COG2: variants seen among roughly 807,000 people sequenced by gnomAD.
COG2 encodes conserved oligomeric Golgi complex subunit 2.
In COG2, 52 loss-of-function variants were observed where a neutral mutation model predicts 90.6. The observed-to-expected ratio is 0.57, with a 90% CI of 0.46 to 0.72. The LOEUF (loss-of-function observed/expected upper bound fraction) is 0.72. Ranked by LOEUF, COG2 falls within the 30% of genes least tolerant of loss-of-function variation. COG2 has a pLI of 0.00. For synonymous variants in COG2, 337 were observed against 320.4 expected (o/e 1.05, Z -0.55); for missense variants, 829 against 891.2 (o/e 0.93, Z 0.89).
At chr1:230,690,338 G>A in intron 16 of COG2, 185 bp downstream of exon 16, 1 of 511,044 alleles carries the variant, frequency 2.0e-6, no homozygotes, top group Non-Finnish European at 3.3e-6. Context: ...TGGACGGCCT[G>A]TGGGCTGGCT....
At chr1:230,663,084 A>G (rs1408655539) in intron 3 of COG2, 57 bp from the exon 4 acceptor site, 10 of 1,424,474 alleles carry the variant, frequency 7.0e-6, no homozygotes, top group Non-Finnish European at 8.7e-6. Flanking sequence ...TAAATGTGTA[A>G]ATTTCATAAT....
Position 230,642,509 on chromosome 1 carries a change from C to A in COG2, c.-98C>A. 2 of 1,212,650 alleles carry A rather than the reference C, an allele frequency of 1.6e-6. No homozygotes were observed. Among genetic ancestry groups the A allele is most frequent in the Admixed American group, 2.0e-5 (1 of 49,142 alleles). 75.1% of individuals were successfully genotyped at this position (1,212,650 alleles called of 1,614,324 possible). A position where few individuals can be genotyped will look rare whatever the true frequency, so the allele number is the denominator to read the frequency against. ...TTGGCGGAAGCGGACCCCCCTGTGC[C>A]GTGGAAACTGGCGGTGGCCGCGGCC... On this transcript the variant is annotated 5_prime_UTR_variant, in exon 1 of 18. Transcript: ENST00000366669.
intron 4 of COG2, among the ~76,000 whole-genome samples, chr1:230,663,876 A>C (rs372191402): frequency 9.8e-5 from 15 of 152,314 alleles, no homozygotes; most frequent in Admixed American, 1.3e-4. Flanking sequence ...TAGTACCAAA[A>C]TAAAGGTTTA....
intron 10 of COG2, chr1:230,681,050 G>C (rs1662733732): frequency 6.6e-6 from 1 of 152,116 alleles, no homozygotes; most frequent in Non-Finnish European, 1.5e-5. Context: ...CCCCACCCCA[G>C]CCACCACCAC....
chr1:230,677,808 A>T (rs1662637451), intron 9 of COG2, among the ~76,000 whole-genome samples: 2 of 152,220 alleles, frequency 1.3e-5, no homozygotes, highest in African/African-American at 2.4e-5. Flanking sequence ...TATTTCCAGA[A>T]ATACTTTCAG....
chr1:230,669,860 T>C (rs367651720), intron 7 of COG2: 1 of 227,750 alleles, frequency 4.4e-6, no homozygotes, highest in African/African-American at 2.2e-5. Context: ...AAGAATGTTT[T>C]CAAATCACTG....
At chr1:230,686,219 A>G (rs1662881221) in intron 12 of COG2, among the ~76,000 whole-genome samples, 1 of 152,156 alleles carries the variant, frequency 6.6e-6, no homozygotes, top group South Asian at 2.1e-4. Flanking sequence ...GTCTAGTGAA[A>G]TCTAGTTTGT....
intron 8 of COG2, among the ~76,000 whole-genome samples, chr1:230,672,002 G>T (rs1221972234): frequency 6.6e-6 from 1 of 152,060 alleles, no homozygotes; most frequent in Non-Finnish European, 1.5e-5. Context: ...ATTTCAACAG[G>T]TTTTATACTA....
chr1:230,673,299 G>A (rs532361017), intron 8 of COG2, among the ~76,000 whole-genome samples: 10 of 152,238 alleles, frequency 6.6e-5, no homozygotes, highest in Non-Finnish European at 8.8e-5. Flanking sequence ...ATCATCTGCC[G>A]CTAGCCTGTC....
At chr1:230,650,634 C>A (rs975123534) in intron 1 of COG2, among the ~76,000 whole-genome samples, 1 of 152,076 alleles carries the variant, frequency 6.6e-6, no homozygotes, top group Non-Finnish European at 1.5e-5. Flanking sequence ...CAAATGTTTT[C>A]TCCCATTCTG....
chr1:230,686,948 C>A lies in COG2; in HGVS notation c.1394C>A (p.Pro465His), dbSNP rs767036831. The A allele has an allele frequency of 5.2e-6, 8 of 1,545,940 alleles. No homozygotes were observed. Among genetic ancestry groups the A allele is most frequent in the Non-Finnish European group, 6.1e-6 (7 of 1,141,900 alleles). Residue 465 changes from proline (P) to histidine (H), a missense_variant, in exon 13 of 18, where the codon CCC (proline) becomes CAC (histidine). Pro to His is a moderately conservative substitution (Grantham distance 77). Transcript: ENST00000366669. ...SVFVNELSLR[P>H]ISNESPKEIK... ...ATCCTTTTTCAGCTTTCACTCAGGC[C>A]CATTTCTAATGAAAGTCCCAAGGAG...
chr1:230,678,333 T>C (rs1274965108), intron 9 of COG2: 3 of 985,262 alleles, frequency 3.0e-6, no homozygotes, highest in Non-Finnish European at 3.6e-6. Flanking sequence ...TGATGGTAGT[T>C]GCCCTGTGGG....
intron 16 of COG2, among the ~76,000 whole-genome samples, chr1:230,691,112 C>T (rs1663013507): frequency 6.6e-6 from 1 of 151,850 alleles, no homozygotes; most frequent in Admixed American, 6.6e-5. Flanking sequence ...TCCACACACA[C>T]ACATATTTCT....
At chr1:230,661,594 C>T (rs1252298287) in intron 3 of COG2, 2 of 152,092 alleles carry the variant, frequency 1.3e-5, no homozygotes, top group African/African-American at 2.4e-5. Flanking sequence ...CTTGAGTAGC[C>T]TTATGCACTT....
chr1:230,647,245 C>G (rs148195556), intron 1 of COG2, among the ~76,000 whole-genome samples: 11 of 152,104 alleles, frequency 7.2e-5, no homozygotes, highest in Non-Finnish European at 1.5e-4. Flanking sequence ...AAAAACATAG[C>G]GTATATAGAG....
chr1:230,692,622 A>G (rs1663059436), intron 17 of COG2, among the ~76,000 whole-genome samples: 1 of 152,154 alleles, frequency 6.6e-6, no homozygotes, highest in South Asian at 2.1e-4. Context: ...ATAGGGAACT[A>G]AAAGGAAAGA....
rs138181699 is a variant in COG2 at position 230,687,083 on chromosome 1, G to A, written c.1529G>A (p.Arg510His). The change falls in exon 13 of 18, where the codon CGC (arginine) becomes CAC (histidine). Residue 510 changes from arginine to histidine, a missense_variant. Coordinates refer to ENST00000366669, the MANE Select transcript of COG2 (RefSeq NM_007357.3). ...SETKPVVSISRTQLVYVVADL... is the reference protein window; with the variant it reads ...SETKPVVSISHTQLVYVVADL... ...ACAAAGCCTGTGGTTTCCATTTCCC[G>A]CACTCAGCTCGTGTATGTGGTTGCA... 13 of 1,613,230 alleles carry A rather than the reference G, an allele frequency of 8.1e-6. No individual in the cohort carries two copies. The highest frequency in any genetic ancestry group is 4.5e-5 in the East Asian group (2 of 44,888).
At chr1:230,651,654 T>G (rs1162943639) in intron 1 of COG2, among the ~76,000 whole-genome samples, 1 of 152,232 alleles carries the variant, frequency 6.6e-6, no homozygotes, top group African/African-American at 2.4e-5. Flanking sequence ...TAAAGAGAAA[T>G]GATTTTTCTT....
intron 1 of COG2, among the ~76,000 whole-genome samples, chr1:230,644,016 A>G (rs1005917211): frequency 1.3e-5 from 2 of 152,182 alleles, no homozygotes; most frequent in Non-Finnish European, 2.9e-5. Context: ...CAGTTTGTCC[A>G]TCTCTTGACT....
Sources: allele counts gnomAD v4.1 joint callset (sites outside exome capture counted in the v4.1 genomes callset), GRCh38; gene constraint gnomAD v4.1.1; transcripts MANE v1.5; gene names NCBI Gene and HGNC (gene_info 2026-07-23, HGNC 2026-07-21).